Variants in GLDC observed in about 807,000 individuals in gnomAD.
The protein encoded by GLDC is glycine dehydrogenase (decarboxylating), mitochondrial.
GLDC carries 104 observed loss-of-function variants against 121.3 expected under a neutral mutation model. That is an observed-to-expected ratio of 0.86 (90% CI 0.73 to 1.01). GLDC has a LOEUF of 1.01. GLDC is among the 50% of genes least tolerant of loss of function. The pLI is 0.00. For missense variants in GLDC, 1,429 were observed against 1,306.6 expected (o/e 1.09, Z -1.44); for synonymous variants, 546 against 480.6 (o/e 1.14, Z -1.78).
chr9:6,576,385 T>C (rs1279434814), intron 15 of GLDC, among the ~76,000 whole-genome samples: 2 of 152,206 alleles, frequency 1.3e-5, no homozygotes, highest in Non-Finnish European at 2.9e-5. Context: ...CATTCAGGAT[T>C]GTACAACCCT....
chr9:6,573,414 T>G (rs1390964950), intron 15 of GLDC, among the ~76,000 whole-genome samples: 1 of 152,104 alleles, frequency 6.6e-6, no homozygotes, highest in Non-Finnish European at 1.5e-5. Flanking sequence ...TGAGCTGAGA[T>G]CGTGCCACTG....
At chr9:6,576,648 G>A (rs1818071190) in intron 15 of GLDC, among the ~76,000 whole-genome samples, 1 of 151,928 alleles carries the variant, frequency 6.6e-6, no homozygotes, top group Non-Finnish European at 1.5e-5. Flanking sequence ...TGTATTTGCA[G>A]CAGAGATGGA....
At chr9:6,549,391 A>G (rs992263363) in intron 21 of GLDC, among the ~76,000 whole-genome samples, 6 of 152,118 alleles carry the variant, frequency 3.9e-5, no homozygotes, top group Non-Finnish European at 7.4e-5. Context: ...TGGAGGCTGC[A>G]GGGAGGAGGT....
At chr9:6,629,960 T>G (rs868004650) in intron 2 of GLDC, among the ~76,000 whole-genome samples, 3 of 132,998 alleles carry the variant, frequency 2.3e-5, no homozygotes, top group Admixed American at 7.5e-5. Context: ...TATATATATT[T>G]TTTTTTTTTA....
At chr9:6,564,566 C>T (rs1817818115) in intron 16 of GLDC, among the ~76,000 whole-genome samples, 1 of 152,214 alleles carries the variant, frequency 6.6e-6, no homozygotes, top group Admixed American at 6.5e-5. Flanking sequence ...TGCTTTTGCC[C>T]TGCTCTCGGC....
chr9:6,543,899 G>A (rs925711885), intron 21 of GLDC, among the ~76,000 whole-genome samples: 2 of 151,466 alleles, frequency 1.3e-5, no homozygotes, highest in African/African-American at 2.4e-5. Context: ...AGGAGGGGGG[G>A]GGATGAAGGA....
intron 7 of GLDC, among the ~76,000 whole-genome samples, chr9:6,603,861 C>G (rs1818676741): frequency 6.6e-6 from 1 of 151,494 alleles, no homozygotes; most frequent in Admixed American, 6.6e-5. Context: ...TCCCAAGTAG[C>G]TGGGACTACA....
At chr9:6,643,767 C>G (rs139263801) in intron 2 of GLDC, among the ~76,000 whole-genome samples, 1 of 152,126 alleles carries the variant, frequency 6.6e-6, no homozygotes, top group East Asian at 1.9e-4. Context: ...GGCACAGTGA[C>G]TCGTGCCTGT....
At chr9:6,606,327 A>G (rs1285142620) in intron 5 of GLDC, among the ~76,000 whole-genome samples, 27 of 84,604 alleles carry the variant, frequency 3.2e-4, no homozygotes, top group Admixed American at 6.9e-4. Flanking sequence ...AAAAAAAAAA[A>G]AAGAAGAAGA....
intron 2 of GLDC, among the ~76,000 whole-genome samples, chr9:6,629,324 C>T (rs559075724): frequency 1.3e-5 from 2 of 151,590 alleles, no homozygotes; most frequent in Admixed American, 1.3e-4. Flanking sequence ...AAGCGATTCT[C>T]CTGCCTCAGC....
intron 21 of GLDC, among the ~76,000 whole-genome samples, chr9:6,547,544 G>A (rs1817421284): frequency 6.6e-6 from 1 of 152,020 alleles, no homozygotes; most frequent in Non-Finnish European, 1.5e-5. Context: ...CAAAGTCTCT[G>A]GGAAAAAAAT....
chr9:6,587,485 T>G (rs1426224637), intron 14 of GLDC, among the ~76,000 whole-genome samples: 1 of 152,302 alleles, frequency 6.6e-6, no homozygotes, highest in African/African-American at 2.4e-5. Context: ...TGGGACATAG[T>G]TGTCCAAAAA....
chr9:6,589,456 G>C (rs1345552505), intron 11 of GLDC, among the ~76,000 whole-genome samples, 164 bp from the exon 12 acceptor site: 1 of 151,818 alleles, frequency 6.6e-6, no homozygotes, highest in Non-Finnish European at 1.5e-5. Flanking sequence ...TTGGAGGCAG[G>C]GTCTTTCTCT....
chr9:6,565,167 A>T (rs879804427), intron 16 of GLDC, among the ~76,000 whole-genome samples, 187 bp downstream of exon 16: 4 of 152,228 alleles, frequency 2.6e-5, no homozygotes. Context: ...TTTTTCCTCA[A>T]AATGGTCAAG....
rs549906208 is a variant in GLDC at position 6,589,416 on chromosome 9, T to C, written c.1483-124A>G. 35 of 358,304 alleles carry C rather than the reference T, an allele frequency of 9.8e-5. 1 individual carries two copies. In the Middle Eastern group the frequency reaches 2.0e-3, roughly 20 times the overall value. 22.2% of individuals were successfully genotyped at this position (358,304 alleles called of 1,614,324 possible). On this transcript the variant is annotated intron_variant, in intron 11 of 24. Coordinates refer to ENST00000321612, the MANE Select transcript of GLDC (RefSeq NM_000170.3). Reference sequence around the variant, plus strand: ...TGGATCAAATATATAATTTTACTTATTTATTTATTTATTTATTTATTTAAT... The same window carrying C: ...TGGATCAAATATATAATTTTACTTACTTATTTATTTATTTATTTATTTAAT...
intron 2 of GLDC, among the ~76,000 whole-genome samples, chr9:6,627,778 G>T (rs1413680348): frequency 6.6e-6 from 1 of 152,100 alleles, no homozygotes; most frequent in Non-Finnish European, 1.5e-5. Flanking sequence ...TAAAATCTAA[G>T]ACCTCAGGCT....
intron 2 of GLDC, among the ~76,000 whole-genome samples, chr9:6,633,571 A>C (rs1298907137): frequency 3.3e-5 from 5 of 152,032 alleles, no homozygotes; most frequent in Non-Finnish European, 5.9e-5. Flanking sequence ...CCCATCTAGA[A>C]ACTGACTGAC....
At chr9:6,640,920 G>T (rs760407251) in intron 2 of GLDC, among the ~76,000 whole-genome samples, 10 of 152,224 alleles carry the variant, frequency 6.6e-5, no homozygotes, top group Non-Finnish European at 1.5e-4. Context: ...ACCATTCAGA[G>T]AAATCAGTGT....
At chr9:6,580,871 A>G (rs1818158980) in intron 15 of GLDC, among the ~76,000 whole-genome samples, 1 of 152,174 alleles carries the variant, frequency 6.6e-6, no homozygotes, top group African/African-American at 2.4e-5. Context: ...TATAATACTT[A>G]TTATCCATTT....
Sources: allele counts gnomAD v4.1 joint callset (sites outside exome capture counted in the v4.1 genomes callset), GRCh38; gene constraint gnomAD v4.1.1; transcripts MANE v1.5; gene names NCBI Gene and HGNC (gene_info 2026-07-23, HGNC 2026-07-21).